Variants in LOXL2 observed in about 807,000 individuals in gnomAD.
LOXL2 encodes lysyl oxidase like 2.
LOXL2 carries 70 observed loss-of-function variants against 93.0 expected under a neutral mutation model. That is an observed-to-expected ratio of 0.75 (90% CI 0.62 to 0.92). The LOEUF (loss-of-function observed/expected upper bound fraction) is 0.92, where lower values mean the gene tolerates loss of function less well. Ranked by LOEUF, LOXL2 falls within the 40% of genes least tolerant of loss-of-function variation. LOXL2 has a pLI of 0.00. For synonymous variants in LOXL2, 438 were observed against 413.2 expected (o/e 1.06, Z -0.73); for missense variants, 973 against 1,054.9 (o/e 0.92, Z 1.08).
chr8:23,317,444 G>T (rs1349631708), intron 8 of LOXL2, among the ~76,000 whole-genome samples: 1 of 152,172 alleles, frequency 6.6e-6, no homozygotes, highest in Non-Finnish European at 1.5e-5. Flanking sequence ...CCTGATCCAG[G>T]GCAGACATTG....
At chr8:23,354,054 A>G (rs1395433096) in intron 3 of LOXL2, among the ~76,000 whole-genome samples, 4 of 152,204 alleles carry the variant, frequency 2.6e-5, no homozygotes, top group Non-Finnish European at 4.4e-5. Flanking sequence ...CAGTTAGCTC[A>G]TTAAGTGAAA....
At position 23,331,897 on chromosome 8, in the gene LOXL2, G is replaced by A. The variant is rs60795561; in HGVS notation, c.966+1504C>T. 8.5e-3 allele frequency: 1,284 copies of A among 151,810 alleles called. 81 individuals are homozygous for A. In the East Asian group the frequency reaches 0.16, roughly 19 times the overall value. The allele number at this position is 151,810 out of a possible 1,614,324, so 9.4% of individuals were successfully genotyped here. ...CTAAAAATACAAAAATTAGCGAGGC[G>A]TGGTGGCGGGTGCCTGTCATCTCAG... On this transcript the variant is annotated intron_variant, in intron 5 of 13. Coordinates refer to ENST00000389131, the MANE Select transcript of LOXL2 (RefSeq NM_002318.3).
chr8:23,348,203 C>A (rs1804024805), intron 3 of LOXL2, among the ~76,000 whole-genome samples: 1 of 131,972 alleles, frequency 7.6e-6, no homozygotes, highest in Non-Finnish European at 1.5e-5. Flanking sequence ...GGGAATTGAA[C>A]AATGAGAACA....
chr8:23,308,220 C>T (rs1023255594), intron 10 of LOXL2, among the ~76,000 whole-genome samples: 10 of 152,186 alleles, frequency 6.6e-5, no homozygotes, highest in African/African-American at 1.2e-4. Context: ...GGAGCTGCAG[C>T]GGAGCCTCAA....
intron 7 of LOXL2, chr8:23,321,862 C>T: frequency 2.4e-6 from 1 of 423,868 alleles, no homozygotes; most frequent in South Asian, 3.6e-5. Flanking sequence ...GGTGGTGGGG[C>T]AGAGGTGAGG....
intron 1 of LOXL2, among the ~76,000 whole-genome samples, chr8:23,379,280 T>G (rs1375036245): frequency 2.0e-5 from 3 of 152,226 alleles, no homozygotes; most frequent in Non-Finnish European, 4.4e-5. Context: ...TGTTCCTGCC[T>G]GATTGTTCCT....
Position 23,341,015 on chromosome 8 carries a change from C to T in LOXL2, c.720G>A (p.Arg240=). The change falls in exon 4 of 14, where the codon AGG becomes AGA. Residue 240 remains arginine, a synonymous_variant. Transcript: ENST00000389131. ...VCGMFGFPGE[R]TYNTKVYKMF... is the part of the protein sequence containing the mutation. The stretch of plus-strand genomic sequence containing the variant: ...ACTTGTACACTTTGGTATTGTATGT[C>T]CTCTCCCCAGGGAAGCCAAACATGC... The T allele has an allele frequency of 1.2e-6, 2 of 1,614,160 alleles. No individual in the cohort carries two copies. The highest frequency in any genetic ancestry group is 1.1e-5 in the South Asian group (1 of 91,084).
chr8:23,311,151 C>G (rs1437310108), intron 9 of LOXL2, among the ~76,000 whole-genome samples: 1 of 152,170 alleles, frequency 6.6e-6, no homozygotes, highest in African/African-American at 2.4e-5. Context: ...CTCTGTCTCC[C>G]TTCTCCCCCT....
intron 3 of LOXL2, among the ~76,000 whole-genome samples, chr8:23,342,493 G>A (rs1368133783): frequency 0.018 from 2,642 of 150,046 alleles, 91 homozygotes; most frequent in East Asian, 0.12. Flanking sequence ...GTACAGTGGC[G>A]CGATCTCGGC....
At chr8:23,313,819 C>CT (rs1479400881) in intron 9 of LOXL2, among the ~76,000 whole-genome samples, 2,833 of 151,786 alleles carry the variant, frequency 0.019, 85 homozygotes, top group African/African-American at 0.066. Flanking sequence ...AACTAAAGAG[C>CT]TCTGCACAGC....
chr8:23,370,133 G>A (rs983333959), intron 1 of LOXL2, among the ~76,000 whole-genome samples: 4 of 151,980 alleles, frequency 2.6e-5, no homozygotes, highest in East Asian at 1.9e-4. Context: ...TCCCTGCTTC[G>A]GTTCCCACGA....
At chr8:23,358,072 C>T (rs1246985332) in intron 3 of LOXL2, among the ~76,000 whole-genome samples, 1 of 152,188 alleles carries the variant, frequency 6.6e-6, no homozygotes, top group Non-Finnish European at 1.5e-5. Context: ...CTAATTATTG[C>T]TCATGAGGTT....
chr8:23,360,801 C>T, intron 2 of LOXL2, among the ~76,000 whole-genome samples: 1 of 152,168 alleles, frequency 6.6e-6, no homozygotes. Context: ...ATGGCATAAG[C>T]CAGTCTCACC....
intron 1 of LOXL2, among the ~76,000 whole-genome samples, chr8:23,371,687 G>T (rs1388980594): frequency 1.4e-5 from 2 of 147,450 alleles, no homozygotes; most frequent in Non-Finnish European, 3.0e-5. Context: ...AGGAGGTGGA[G>T]GTTGCAGTGA....
chr8:23,379,037 GCT>G (rs1804634891), intron 1 of LOXL2, among the ~76,000 whole-genome samples: 2 of 152,128 alleles, frequency 1.3e-5, no homozygotes, highest in South Asian at 2.1e-4. Context: ...CAGCTTTTCT[GCT>G]CTGTTTTTTC....
At chr8:23,399,564 C>T (rs1201777138) in intron 1 of LOXL2, among the ~76,000 whole-genome samples, 1 of 152,156 alleles carries the variant, frequency 6.6e-6, no homozygotes, top group South Asian at 2.1e-4. Context: ...CACGATGGTC[C>T]TGCATCACCT....
chr8:23,344,423 ATGG>A (rs1372170664), intron 3 of LOXL2, among the ~76,000 whole-genome samples: 1 of 149,076 alleles, frequency 6.7e-6, no homozygotes, highest in Non-Finnish European at 1.5e-5. Context: ...GTGTGTGTGC[ATGG>A]TGGTGTGTGC....
intron 3 of LOXL2, among the ~76,000 whole-genome samples, chr8:23,353,895 G>A (rs1479480061): frequency 1.3e-5 from 2 of 152,238 alleles, no homozygotes; most frequent in Non-Finnish European, 2.9e-5. Flanking sequence ...TGTTCTGGAT[G>A]CTGGTCAAAA....
At chr8:23,383,798 C>G (rs1364909549) in intron 1 of LOXL2, among the ~76,000 whole-genome samples, 1 of 151,382 alleles carries the variant, frequency 6.6e-6, no homozygotes, top group Non-Finnish European at 1.5e-5. Context: ...GTAGCTGGGA[C>G]TACAGGCGCC....
Sources: gnomAD v4.1 joint callset for allele counts (sites outside exome capture counted in the v4.1 genomes callset) on GRCh38, gnomAD v4.1.1 for gene constraint, MANE v1.5 for transcripts, NCBI Gene and HGNC (gene_info 2026-07-23, HGNC 2026-07-21) for gene names.